Variants in CADM2 observed in about 807,000 individuals in gnomAD.
CADM2 encodes immunoglobulin superfamily member 4D.
CADM2 carries 12 observed loss-of-function variants against 49.8 expected under a neutral mutation model. The observed-to-expected ratio is 0.24, with a 90% CI of 0.15 to 0.39. CADM2 has a LOEUF of 0.39. Among genes scored for constraint, CADM2 ranks in the 10% least tolerant of loss-of-function variants. The pLI, the probability that CADM2 is intolerant of heterozygous loss-of-function variation, is 1.00. For missense variants in CADM2, 378 were observed against 492.3 expected, an observed-to-expected ratio of 0.77 and a Z score of 2.20; for synonymous variants, 214 against 175.4, an observed-to-expected ratio of 1.22 and a Z score of -1.74.
At chr3:85,551,165 A>G (rs2061792780) in intron 1 of CADM2, among the ~76,000 whole-genome samples, 2 of 152,006 alleles carry the variant, frequency 1.3e-5, no homozygotes, top group African/African-American at 4.8e-5. Context: ...TTATTTTTGT[A>G]GAGACGAGGT....
At chr3:85,428,593 A>G (rs1447566970) in intron 1 of CADM2, among the ~76,000 whole-genome samples, 1 of 146,304 alleles carries the variant, frequency 6.8e-6, no homozygotes, top group Non-Finnish European at 1.5e-5. Context: ...AAATAAAAAT[A>G]ATATTTATTA....
intron 7 of CADM2, among the ~76,000 whole-genome samples, chr3:85,948,576 C>A (rs951232285): frequency 6.6e-6 from 1 of 151,236 alleles, no homozygotes; most frequent in African/African-American, 2.4e-5. Flanking sequence ...TAGCCACTTA[C>A]TCAAAAAAAT....
chr3:85,472,558 A>C (rs1365775977), intron 1 of CADM2, among the ~76,000 whole-genome samples: 1 of 152,072 alleles, frequency 6.6e-6, no homozygotes. Flanking sequence ...TGAAATTATA[A>C]ATCTAAATGT....
intron 1 of CADM2, among the ~76,000 whole-genome samples, chr3:85,221,846 T>C (rs1437413718): frequency 6.6e-6 from 1 of 152,070 alleles, no homozygotes; most frequent in Non-Finnish European, 1.5e-5. Context: ...GGTAACATGG[T>C]GAGTTGGACT....
intron 3 of CADM2, among the ~76,000 whole-genome samples, chr3:85,866,814 A>G (rs1363936123): frequency 6.6e-6 from 1 of 152,090 alleles, no homozygotes; most frequent in Non-Finnish European, 1.5e-5. Context: ...ACACATAAAT[A>G]TTTATTGTAC....
At chr3:85,906,325 A>G (rs1716807796) in intron 5 of CADM2, among the ~76,000 whole-genome samples, 1 of 152,134 alleles carries the variant, frequency 6.6e-6, no homozygotes, top group Non-Finnish European at 1.5e-5. Flanking sequence ...TTTAAGATAC[A>G]TTTTATGAAA....
chr3:85,437,042 T>G (rs2036963316), intron 1 of CADM2, among the ~76,000 whole-genome samples: 2 of 150,422 alleles, frequency 1.3e-5, no homozygotes, highest in Admixed American at 1.3e-4. Flanking sequence ...AGTGATCTTT[T>G]TACTACTGTC....
chr3:85,261,230 G>T (rs2043008595), intron 1 of CADM2, among the ~76,000 whole-genome samples: 1 of 152,052 alleles, frequency 6.6e-6, no homozygotes, highest in Non-Finnish European at 1.5e-5. Context: ...TCTGCCGCCT[G>T]GGTTCAAGGA....
At chr3:85,490,878 G>T (rs2039642236) in intron 1 of CADM2, among the ~76,000 whole-genome samples, 1 of 151,274 alleles carries the variant, frequency 6.6e-6, no homozygotes, top group Non-Finnish European at 1.5e-5. Flanking sequence ...AAATATTCTT[G>T]AAGCTGGATA....
chr3:85,593,105 A>G lies in CADM2; in HGVS notation c.62-133417A>G, dbSNP rs1219087343. On this transcript the variant is annotated intron_variant, in intron 1 of 9. Transcript: ENST00000383699. ...TATTTTATTTGAACATGGCTTTTAT[A>G]TTTTTCCATTTATTTTGTACATTAA... Among the ~76,000 whole-genome samples, 4 of 151,456 alleles carry G rather than the reference A, an allele frequency of 2.6e-5. No homozygotes were observed. In the East Asian group the frequency reaches 7.8e-4, roughly 29 times the overall value.
chr3:85,069,980 T>C (rs1311799074), intron 1 of CADM2, among the ~76,000 whole-genome samples: 1 of 152,184 alleles, frequency 6.6e-6, no homozygotes, highest in Non-Finnish European at 1.5e-5. Flanking sequence ...AATAATTTCA[T>C]ACATCCCTGA....
intron 1 of CADM2, among the ~76,000 whole-genome samples, chr3:85,015,720 G>T (rs1391315520): frequency 6.6e-6 from 1 of 152,148 alleles, no homozygotes. Flanking sequence ...AAGGAAGAGG[G>T]TCATCAAATG....
At chr3:85,536,247 G>T (rs2061419183) in intron 1 of CADM2, among the ~76,000 whole-genome samples, 1 of 152,000 alleles carries the variant, frequency 6.6e-6, no homozygotes, top group Non-Finnish European at 1.5e-5. Flanking sequence ...AGAATCTCAG[G>T]TATGTGAGAA....
chr3:85,672,986 G>A (rs1195796911), intron 1 of CADM2, among the ~76,000 whole-genome samples: 1 of 152,190 alleles, frequency 6.6e-6, no homozygotes, highest in Non-Finnish European at 1.5e-5. Flanking sequence ...TAGAAGAGCT[G>A]TGTTAATGCA....
chr3:85,958,024 A>G (rs577616382), intron 7 of CADM2, among the ~76,000 whole-genome samples: 1 of 152,014 alleles, frequency 6.6e-6, no homozygotes, highest in Non-Finnish European at 1.5e-5. Flanking sequence ...ACAGAATGGG[A>G]GAAAATTTTT....
chr3:85,609,258 A>G (rs1319341909), intron 1 of CADM2, among the ~76,000 whole-genome samples: 1 of 152,130 alleles, frequency 6.6e-6, no homozygotes, highest in East Asian at 1.9e-4. Flanking sequence ...GGGGCATGAC[A>G]TGCACCTGTC....
intron 1 of CADM2, among the ~76,000 whole-genome samples, chr3:85,306,495 A>G (rs1287956510): frequency 6.6e-6 from 1 of 151,746 alleles, no homozygotes; most frequent in East Asian, 1.9e-4. Flanking sequence ...TAGAAGATTA[A>G]AATGTTTTCC....
chr3:85,008,192 G>A (rs1441846028), intron 1 of CADM2, among the ~76,000 whole-genome samples: 1 of 152,024 alleles, frequency 6.6e-6, no homozygotes, highest in Admixed American at 6.6e-5. Flanking sequence ...TGAGAGAGAG[G>A]ACCTCGTAAT....
At chr3:85,652,759 CT>C (rs1161862688) in intron 1 of CADM2, among the ~76,000 whole-genome samples, 2 of 55,874 alleles carry the variant, frequency 3.6e-5, no homozygotes, top group Non-Finnish European at 3.5e-5. Flanking sequence ...ACCTGAAAAT[CT>C]TTTTTTCTTT....
Sources: gnomAD v4.1 joint callset for allele counts (sites outside exome capture counted in the v4.1 genomes callset) on GRCh38, gnomAD v4.1.1 for gene constraint, MANE v1.5 for transcripts, NCBI Gene and HGNC (gene_info 2026-07-23, HGNC 2026-07-21) for gene names.